Variants in SCAI observed in about 807,000 individuals in gnomAD.
SCAI encodes the protein protein SCAI.
In SCAI, 24 loss-of-function variants were observed where a neutral mutation model predicts 92.2. That is an observed-to-expected ratio of 0.26 (90% CI 0.19 to 0.37). The LOEUF (loss-of-function observed/expected upper bound fraction) is 0.37. SCAI is among the 10% of genes least tolerant of loss of function. The pLI is 1.00. For missense variants in SCAI, 450 were observed against 736.2 expected (o/e 0.61, Z 4.50); for synonymous variants, 261 against 258.6 (o/e 1.01, Z -0.09).
At chr9:125,014,327 A>C (rs1832703446) in intron 9 of SCAI, among the ~76,000 whole-genome samples, 2 of 152,186 alleles carry the variant, frequency 1.3e-5, no homozygotes, top group Admixed American at 6.5e-5. Context: ...GCAACTTCAG[A>C]AAAGTCTCAG....
intron 2 of SCAI, among the ~76,000 whole-genome samples, chr9:125,086,727 G>A (rs1035958367): frequency 3.9e-5 from 6 of 152,208 alleles, no homozygotes; most frequent in South Asian, 2.1e-4. Context: ...CAAGAGTGGC[G>A]TGGGTAAGAG....
At chr9:124,968,293 A>G in intron 17 of SCAI, 1 of 1,178,038 alleles carries the variant, frequency 8.5e-7, no homozygotes, top group Non-Finnish European at 1.3e-6. Flanking sequence ...CGGGCTGGGC[A>G]TCAAGCGTCT....
intron 14 of SCAI, among the ~76,000 whole-genome samples, chr9:124,994,731 T>C (rs561882984): frequency 2.0e-5 from 3 of 152,294 alleles, no homozygotes; most frequent in South Asian, 2.1e-4. Flanking sequence ...CCACTGAGTG[T>C]CCATTCATGC....
chr9:125,108,281 G>A (rs1834851379), intron 2 of SCAI, among the ~76,000 whole-genome samples: 1 of 152,202 alleles, frequency 6.6e-6, no homozygotes, highest in Non-Finnish European at 1.5e-5. Context: ...GAGCGTCTCT[G>A]CCTGGCCGCC....
chr9:125,077,970 C>CA (rs987322468), intron 2 of SCAI, among the ~76,000 whole-genome samples: 6 of 151,990 alleles, frequency 3.9e-5, no homozygotes, highest in Non-Finnish European at 5.9e-5. Context: ...CCACACCCCC[C>CA]CCGCCTCCCA....
rs181038517 is a variant in SCAI, at chr9:125,025,125, A to G, written c.512+1687T>C. On this transcript the variant is annotated intron_variant, in intron 6 of 17. Transcript: ENST00000336505. ...GTTGCTGATTGCAATCTTGACTAGC[A>G]CTCTTACCCTGTGTAAACTAAGAAA... 4.9e-3 allele frequency among the ~76,000 whole-genome samples: 748 copies of G among 152,260 alleles called. 8 individuals carry two copies. Among genetic ancestry groups the G allele is most frequent in the Non-Finnish European group, 6.7e-3 (454 of 68,016 alleles).
intron 17 of SCAI, among the ~76,000 whole-genome samples, chr9:124,962,169 T>TG (rs1564358532): frequency 2.6e-4 from 30 of 115,280 alleles, no homozygotes; most frequent in East Asian, 9.5e-4. Flanking sequence ...TTTTTTTTTT[T>TG]TGCGGGGGGG....
chr9:125,023,068 T>C (rs7869347), intron 6 of SCAI, among the ~76,000 whole-genome samples: 33,550 of 152,124 alleles, frequency 0.22, 4,096 homozygotes, highest in African/African-American at 0.3. Context: ...TTCTTTCATA[T>C]TATTGTTATC....
chr9:124,951,963 A>C lies in SCAI; in HGVS notation c.*844T>G, dbSNP rs1831241186. The C allele has an allele frequency of 6.6e-6, 1 of 152,222 alleles. No homozygotes were observed. Among genetic ancestry groups the C allele is most frequent in the Non-Finnish European group, 1.5e-5 (1 of 68,038 alleles). The allele number at this position is 152,222 out of a possible 1,614,324, so 9.4% of individuals were successfully genotyped here. On this transcript the variant is annotated 3_prime_UTR_variant, in exon 18 of 18. Coordinates refer to ENST00000336505, the MANE Select transcript of SCAI (RefSeq NM_001144877.3). Reference sequence around the variant, plus strand: ...GTCTCATAAATTTGAATGAGGCAAAAAATTAAAACTTTATGTCACAGACAT... The same window carrying C: ...GTCTCATAAATTTGAATGAGGCAAACAATTAAAACTTTATGTCACAGACAT...
chr9:124,977,119 T>A (rs1831775967), intron 14 of SCAI, among the ~76,000 whole-genome samples: 1 of 152,036 alleles, frequency 6.6e-6, no homozygotes, highest in Non-Finnish European at 1.5e-5. Flanking sequence ...TCCACCCACC[T>A]CGGCCTCCCA....
intron 14 of SCAI, among the ~76,000 whole-genome samples, chr9:124,980,299 T>C (rs1831857630): frequency 6.7e-6 from 1 of 149,708 alleles, no homozygotes; most frequent in Non-Finnish European, 1.5e-5. Context: ...GCTAACGAAC[T>C]TCTCTCCTGA....
intron 9 of SCAI, among the ~76,000 whole-genome samples, chr9:125,016,445 T>A (rs1195909432): frequency 6.6e-6 from 1 of 150,692 alleles, no homozygotes; most frequent in South Asian, 2.1e-4. Flanking sequence ...TCTAAGCAAA[T>A]TAAATTCAAA....
chr9:125,019,945 G>A (rs909375502), intron 7 of SCAI, among the ~76,000 whole-genome samples: 1 of 151,872 alleles, frequency 6.6e-6, no homozygotes, highest in African/African-American at 2.4e-5. Flanking sequence ...GTGGTGGCTT[G>A]AGCCTATGAT....
At chr9:125,109,844 G>A (rs1157698836) in intron 2 of SCAI, among the ~76,000 whole-genome samples, 6 of 152,028 alleles carry the variant, frequency 3.9e-5, no homozygotes, top group Admixed American at 1.3e-4. Flanking sequence ...GCACCACCAC[G>A]CCCAGCTAAT....
intron 3 of SCAI, among the ~76,000 whole-genome samples, chr9:125,044,370 G>A (rs918055979): frequency 2.6e-5 from 4 of 152,094 alleles, no homozygotes; most frequent in Admixed American, 6.5e-5. Flanking sequence ...TCTGTGGGAT[G>A]ACATGCCTAC....
chr9:124,980,675 T>C (rs1831867124), intron 14 of SCAI, among the ~76,000 whole-genome samples: 1 of 152,184 alleles, frequency 6.6e-6, no homozygotes, highest in Non-Finnish European at 1.5e-5. Flanking sequence ...GGTTGGGTAA[T>C]TAAGTGTATC....
chr9:124,993,705 T>C (rs1229337782), intron 14 of SCAI, among the ~76,000 whole-genome samples: 8 of 152,164 alleles, frequency 5.3e-5, no homozygotes, highest in Admixed American at 4.6e-4. Flanking sequence ...TTGGAAGCTC[T>C]TGGAATAAAG....
chr9:125,130,003 A>C (rs1467385775), intron 2 of SCAI, among the ~76,000 whole-genome samples: 3 of 151,086 alleles, frequency 2.0e-5, no homozygotes, highest in South Asian at 4.2e-4. Context: ...GGTTCAAGCG[A>C]TTCTCCTGCC....
chr9:125,035,490 G>A (rs773575983), intron 3 of SCAI, among the ~76,000 whole-genome samples: 10 of 152,150 alleles, frequency 6.6e-5, no homozygotes, highest in Non-Finnish European at 1.5e-4. Context: ...TGGGTTAAAG[G>A]ACTGGGTTTT....
Sources: allele counts gnomAD v4.1 joint callset (sites outside exome capture counted in the v4.1 genomes callset), GRCh38; gene constraint gnomAD v4.1.1; transcripts MANE v1.5; gene names NCBI Gene and HGNC (gene_info 2026-07-23, HGNC 2026-07-21).